The following TEKT4 variants were observed in gnomAD, a reference collection of about 807,000 sequenced individuals.
TEKT4 encodes tektin-4.
A neutral mutation model predicts 46.0 loss-of-function variants in TEKT4; 46 were observed. The ratio of observed to expected loss-of-function variants is 1.00; its 90% CI spans 0.79 to 1.28. TEKT4 has a LOEUF of 1.28. TEKT4 is among the 50% of genes most tolerant of loss of function. The probability of loss-of-function intolerance (pLI) is 0.00; values close to 1 mark genes in which losing one functional copy is unlikely to be tolerated. For synonymous variants in TEKT4, 325 were observed against 265.8 expected (o/e 1.22, Z -2.17); for missense variants, 790 against 622.9 (o/e 1.27, Z -2.85).
In TEKT4 at chr2:94,874,640, G is replaced by A; in HGVS notation, c.714-136G>A. On this transcript the variant is annotated intron_variant, in intron 3 of 5. Coordinates refer to ENST00000295201, the MANE Select transcript of TEKT4 (RefSeq NM_144705.4). ...GAGCCTGAGGGACTGGGCTTTGTGG[G>A]GCAGCATGGGGTGCATCGGAGTCCA... 3.7e-6 allele frequency: 3 copies of A among 803,554 alleles called. No homozygotes were observed. The South Asian group carries it at 5.5e-5, about 15-fold the overall frequency. 49.8% of individuals were successfully genotyped at this position (803,554 alleles called of 1,614,324 possible). A position where few individuals can be genotyped will look rare whatever the true frequency, so the allele number is the denominator to read the frequency against.
chr2:94,873,347 C>T (rs1680663969), intron 1 of TEKT4, 173 bp from the exon 2 acceptor site: 13 of 1,455,170 alleles, frequency 8.9e-6, no homozygotes, highest in Non-Finnish European at 1.2e-5. Flanking sequence ...AAGGAGAATG[C>T]CCAAAAGCCC....
Position 94,874,915 on chromosome 2 carries a change from T to G in TEKT4, c.853T>G (p.Cys285Gly). Residue 285 changes from cysteine (C) to glycine (G), a missense_variant, in exon 4 of 6, where the codon TGC (cysteine) becomes GGC (glycine). Transcript: ENST00000295201. ...CACCTCCGAGGACCTGCGGCTCCAG[T>G]GCGACGCCGTGAACCTGGCCTTCGG... ...RDTSEDLRLQ[C>G]DAVNLAFGRR... is the part of the protein sequence containing the mutation. 1.2e-6 allele frequency: 2 copies of G among 1,612,038 alleles called. No individual in the cohort carries two copies. The highest frequency in any genetic ancestry group is 1.7e-6 in the Non-Finnish European group (2 of 1,179,580).
chr2:94,873,063 T>A, intron 1 of TEKT4: 1 of 1,275,602 alleles, frequency 7.8e-7, no homozygotes, highest in Non-Finnish European at 1.0e-6. Context: ...GGCCAGGCAA[T>A]AAGAAGAAAC....
At position 94,871,732 on chromosome 2, in the gene TEKT4, C is replaced by G; in HGVS notation, c.153C>G (p.Arg51=). Residue 51 remains arginine, a synonymous_variant, in exon 1 of 6, where the codon CGC becomes CGG. Transcript: ENST00000295201. ...AGTGGTTCCAGAACTGCTATGCTCGCTACCACCAGGCCTTCGCCGACCGCG... is the reference window on the plus strand; with the variant it reads ...AGTGGTTCCAGAACTGCTATGCTCGGTACCACCAGGCCTTCGCCGACCGCG... The part of the protein sequence containing the change: ...LEEWFQNCYA[R]YHQAFADRDQ... 1 of 1,612,632 alleles carries G rather than the reference C, an allele frequency of 6.2e-7. No individual in the cohort carries two copies. The highest frequency in any genetic ancestry group is 8.5e-7 in the Non-Finnish European group (1 of 1,179,918).
intron 1 of TEKT4, chr2:94,873,181 G>A (rs1553395200): frequency 1.6e-6 from 2 of 1,244,214 alleles, no homozygotes; most frequent in African/African-American, 1.6e-5. Flanking sequence ...GTCCTCAGGG[G>A]CTGTCCAGAG....
In TEKT4 at chr2:94,875,693, C is replaced by T. The variant is rs782704600; in HGVS notation, c.1042C>T (p.Arg348Cys). Residue 348 changes from arginine (R) to cysteine (C), a missense_variant, in exon 5 of 6, where the codon CGC becomes TGC. By Grantham distance (180) the Arg-to-Cys change is radical. Coordinates refer to ENST00000295201, the MANE Select transcript of TEKT4 (RefSeq NM_144705.4). ...CGTAGCCCAGACCCGGCTGTACCTGCGCTCGCACCGGCCCAACATGGAGCT... is the reference window on the plus strand; with the variant it reads ...CGTAGCCCAGACCCGGCTGTACCTGTGCTCGCACCGGCCCAACATGGAGCT... ...LHVAQTRLYL[R>C]SHRPNMELCR... 6.8e-6 allele frequency: 11 copies of T among 1,614,038 alleles called. No homozygotes were observed. The Admixed American group carries it at 8.3e-5, about 12-fold the overall frequency.
Position 94,871,486 on chromosome 2 carries a change from C to G in TEKT4, c.-94C>G. On this transcript the variant is annotated 5_prime_UTR_variant, in exon 1 of 6. Transcript: ENST00000295201. ...GCCGCGTCCTGCTCTGGGACTGAGCCGTTGGAGCTGCCCCGCTGACCGCAC... is the reference window on the plus strand; with the variant it reads ...GCCGCGTCCTGCTCTGGGACTGAGCGGTTGGAGCTGCCCCGCTGACCGCAC... The G allele has an allele frequency of 2.1e-6, 3 of 1,423,092 alleles. No individual in the cohort carries two copies. The highest frequency in any genetic ancestry group is 2.8e-6 in the Non-Finnish European group (3 of 1,080,670). The allele number at this position is 1,423,092 out of a possible 1,614,324, so 88.2% of individuals were successfully genotyped here.
intron 5 of TEKT4, 110 bp downstream of exon 5, chr2:94,875,852 G>GA: frequency 2.6e-6 from 3 of 1,169,070 alleles, no homozygotes; most frequent in Non-Finnish European, 3.6e-6. Flanking sequence ...CGCAGGTGCT[G>GA]AGAGGGGAGG....
In TEKT4 at chr2:94,873,023, G is replaced by C. The variant is rs868917615; in HGVS notation, c.499-497G>C. 4 of 1,289,224 alleles carry C rather than the reference G, an allele frequency of 3.1e-6. No homozygotes were observed. The African/African-American group carries it at 6.1e-5, about 20-fold the overall frequency. 79.9% of individuals were successfully genotyped at this position (1,289,224 alleles called of 1,614,324 possible). A position where few individuals can be genotyped will look rare whatever the true frequency, so the allele number is the denominator to read the frequency against. On this transcript the variant is annotated intron_variant, in intron 1 of 5. Coordinates refer to ENST00000295201, the MANE Select transcript of TEKT4 (RefSeq NM_144705.4). ...GCAAAGACCCCAATCACAGAGAAAA[G>C]GCTTGTTCCTACACACAGCAAATTA...
intron 2 of TEKT4, 21 bp from the exon 3 acceptor site, chr2:94,873,944 C>T (rs1680699115): frequency 1.9e-6 from 3 of 1,612,128 alleles, no homozygotes; most frequent in Non-Finnish European, 2.5e-6. Context: ...CACATCAAGG[C>T]CCTGCCCCAC....
At chr2:94,872,911 CACTG>C in intron 1 of TEKT4, 1 of 1,289,448 alleles carries the variant, frequency 7.8e-7, no homozygotes. Flanking sequence ...CTGATGGAGA[CACTG>C]ACAGTGCACG....
intron 1 of TEKT4, chr2:94,873,263 G>A (rs1211104136): frequency 7.4e-7 from 1 of 1,352,616 alleles, no homozygotes; most frequent in African/African-American, 1.5e-5. Context: ...CTGGGGCGTG[G>A]GAACTGCCGC....
At chr2:94,873,218 TGCAC>T in intron 1 of TEKT4, 2 of 1,277,368 alleles carry the variant, frequency 1.6e-6, no homozygotes, top group Non-Finnish European at 2.0e-6. Flanking sequence ...CGTTCCCAGG[TGCAC>T]TGAGTGAGCA....
intron 1 of TEKT4, chr2:94,873,231 C>G: frequency 7.7e-7 from 1 of 1,292,474 alleles, no homozygotes; most frequent in Non-Finnish European, 9.9e-7. Context: ...ACTGAGTGAG[C>G]AGCAGCGATG....
chr2:94,876,472 G>A (rs1454232847), intron 5 of TEKT4, 81 bp from the exon 6 acceptor site: 1 of 1,249,674 alleles, frequency 8.0e-7, no homozygotes, highest in African/African-American at 1.5e-5. Context: ...CTCCCATTGG[G>A]AGTTTTGGGT....
At position 94,876,676 on chromosome 2, in the gene TEKT4, C is replaced by T. The variant is rs141430360; in HGVS notation, c.1215C>T (p.Ala405=). ...DIHMSLEKDI[A]AMTNSLFIDR... ...ACATGAGCCTGGAGAAGGACATTGCCGCCATGACCAACAGTCTCTTCATCG... is the reference window on the plus strand; with the variant it reads ...ACATGAGCCTGGAGAAGGACATTGCTGCCATGACCAACAGTCTCTTCATCG... The change falls in exon 6 of 6, where the codon GCC becomes GCT. Residue 405 remains alanine, a synonymous_variant. Coordinates refer to ENST00000295201, the MANE Select transcript of TEKT4 (RefSeq NM_144705.4). The T allele has an allele frequency of 1.5e-3, 2,450 of 1,613,408 alleles. 9 individuals are homozygous for T. Among genetic ancestry groups the T allele is most frequent in the South Asian group, 4.3e-3 (389 of 91,062 alleles).
At chr2:94,875,173 A>C (rs1357417464) in intron 4 of TEKT4, among the ~76,000 whole-genome samples, 175 bp downstream of exon 4, 2 of 152,154 alleles carry the variant, frequency 1.3e-5, no homozygotes, top group Non-Finnish European at 2.9e-5. Flanking sequence ...TGCCACCCCT[A>C]TGACTCAGCA....
intron 5 of TEKT4, 100 bp from the exon 6 acceptor site, chr2:94,876,453 T>C (rs1553396580): frequency 9.9e-7 from 1 of 1,007,480 alleles, no homozygotes; most frequent in Non-Finnish European, 1.5e-6. Flanking sequence ...TCCCAGGACC[T>C]CCTGCCAGCT....
rs570126877 is a variant in TEKT4, at chr2:94,873,844, G to A, written c.570-121G>A. 8.3e-5 allele frequency: 117 copies of A among 1,416,692 alleles called. 1 individual carries two copies. In the Middle Eastern group the frequency reaches 8.4e-4, roughly 10 times the overall value. 87.8% of individuals were successfully genotyped at this position (1,416,692 alleles called of 1,614,324 possible). ...TCACTGCTGAGCACGAGGGCTGCCC[G>A]GGACAGGCCCACCCAGAACTCCCTC... is the stretch of plus-strand genomic sequence containing the variant. On this transcript the variant is annotated intron_variant, in intron 2 of 5. Transcript: ENST00000295201.
Sources: gnomAD v4.1 joint callset for allele counts (sites outside exome capture counted in the v4.1 genomes callset) on GRCh38, gnomAD v4.1.1 for gene constraint, MANE v1.5 for transcripts, NCBI Gene and HGNC (gene_info 2026-07-23, HGNC 2026-07-21) for gene names.